The following LYRM4 variants were observed in gnomAD, a reference collection of about 807,000 sequenced individuals.
LYRM4 encodes the protein LYR motif-containing protein 4.
LYRM4 carries 9 observed loss-of-function variants against 11.7 expected under a neutral mutation model. That is an observed-to-expected ratio of 0.77 (90% CI 0.46 to 1.34). The LOEUF is 1.34. Among genes scored for constraint, LYRM4 ranks in the 40% most tolerant of loss-of-function variants. The pLI is 0.00. For missense variants in LYRM4, 133 were observed against 112.5 expected (o/e 1.18, Z -0.82); for synonymous variants, 42 against 40.4 (o/e 1.04, Z -0.15).
chr6:5,163,424 C>T (rs192918048), intron 2 of LYRM4, among the ~76,000 whole-genome samples: 4 of 151,970 alleles, frequency 2.6e-5, no homozygotes, highest in Admixed American at 6.6e-5. Context: ...TGCCTAGCCT[C>T]GCACCAACGC....
intron 2 of LYRM4, among the ~76,000 whole-genome samples, chr6:5,139,405 C>T (rs907608788): frequency 3.3e-5 from 5 of 152,324 alleles, no homozygotes; most frequent in African/African-American, 1.2e-4. Flanking sequence ...ACTGTATTTA[C>T]AAATACAAAC....
chr6:5,251,980 C>G (rs2773313), intron 1 of LYRM4, among the ~76,000 whole-genome samples: 43,361 of 151,848 alleles, frequency 0.29, 7,767 homozygotes, highest in African/African-American at 0.51. Context: ...TTCCTAAACA[C>G]GAATCATTAT....
At chr6:5,052,972 A>G in the LYRM4 span, among the ~76,000 whole-genome samples, 1 of 152,208 alleles carries the variant, frequency 6.6e-6, no homozygotes, top group South Asian at 2.1e-4. Context: ...ACTAGTGAAG[A>G]CCAGTTACTG....
At chr6:5,138,583 T>A (rs992337161) in intron 2 of LYRM4, 16 of 490,924 alleles carry the variant, frequency 3.3e-5, no homozygotes, top group African/African-American at 1.9e-4. Context: ...CTGTTTTTTT[T>A]ATGAATGATT....
At chr6:5,230,769 C>G (rs1763189470) in intron 1 of LYRM4, among the ~76,000 whole-genome samples, 1 of 152,078 alleles carries the variant, frequency 6.6e-6, no homozygotes, top group Non-Finnish European at 1.5e-5. Flanking sequence ...TCACTTTATC[C>G]TTTCCAACAG....
chr6:5,191,442 A>C (rs974208589), intron 2 of LYRM4, among the ~76,000 whole-genome samples: 1 of 152,150 alleles, frequency 6.6e-6, no homozygotes, highest in Non-Finnish European at 1.5e-5. Flanking sequence ...GAAGTATATG[A>C]CTCAAAGATA....
At chr6:5,248,835 G>T (rs1764309761) in intron 1 of LYRM4, among the ~76,000 whole-genome samples, 2 of 152,228 alleles carry the variant, frequency 1.3e-5, no homozygotes, top group South Asian at 4.1e-4. Context: ...CTTGGGCAAA[G>T]GTTATGTTTT....
At chr6:5,188,831 A>G (rs1286971448) in intron 2 of LYRM4, among the ~76,000 whole-genome samples, 1 of 152,146 alleles carries the variant, frequency 6.6e-6, no homozygotes, top group Non-Finnish European at 1.5e-5. Context: ...TGGCGCAATC[A>G]TGGCTCACTG....
intron 2 of LYRM4, among the ~76,000 whole-genome samples, chr6:5,169,349 T>C (rs1759282561): frequency 6.6e-6 from 1 of 152,142 alleles, no homozygotes; most frequent in Non-Finnish European, 1.5e-5. Context: ...AGGAAGGAAC[T>C]GGCACAAACA....
chr6:5,208,308 C>T (rs150750656), intron 2 of LYRM4, among the ~76,000 whole-genome samples: 128 of 152,364 alleles, frequency 8.4e-4, no homozygotes, highest in Admixed American at 1.8e-3. Context: ...GAGCTGAGAA[C>T]TTCCGCTTCT....
the LYRM4 span, among the ~76,000 whole-genome samples, chr6:5,082,655 G>T: frequency 6.6e-6 from 1 of 152,174 alleles, no homozygotes; most frequent in African/African-American, 2.4e-5. Context: ...CATTGTTTCT[G>T]TCCCCAGTAA....
At chr6:5,086,546 C>G in the LYRM4 span, 2 of 1,526,258 alleles carry the variant, frequency 1.3e-6, no homozygotes, top group Non-Finnish European at 1.8e-6. Context: ...TACGCGCGCC[C>G]TGCGGACGCG....
chr6:5,194,701 T>C (rs1760953484), intron 2 of LYRM4, among the ~76,000 whole-genome samples: 1 of 152,142 alleles, frequency 6.6e-6, no homozygotes, highest in Admixed American at 6.5e-5. Context: ...AATCAGAAAA[T>C]TAGGAAAATA....
chr6:5,233,048 C>T (rs1308887239), intron 1 of LYRM4, among the ~76,000 whole-genome samples: 2 of 152,214 alleles, frequency 1.3e-5, no homozygotes, highest in African/African-American at 4.8e-5. Context: ...GGCTCTCATC[C>T]ATGGATTAGC....
At chr6:5,060,504 A>ATT in the LYRM4 span, among the ~76,000 whole-genome samples, 1,425 of 144,282 alleles carry the variant, frequency 9.9e-3, 24 homozygotes, top group African/African-American at 0.035. Context: ...CGATTTTTGT[A>ATT]TTTTTTTTTT....
intron 1 of LYRM4, among the ~76,000 whole-genome samples, chr6:5,227,630 C>T (rs1762969619): frequency 6.6e-6 from 1 of 152,182 alleles, no homozygotes; most frequent in African/African-American, 2.4e-5. Context: ...AATCCCATTA[C>T]TGGGTATATA....
the LYRM4 span, chr6:5,085,720 C>T: frequency 1.7e-5 from 27 of 1,545,482 alleles, no homozygotes; most frequent in Non-Finnish European, 2.4e-5. Context: ...ATGCCGCCGC[C>T]GCTGCCGCGC....
At chr6:5,196,336 C>A (rs1761056806) in intron 2 of LYRM4, among the ~76,000 whole-genome samples, 1 of 152,208 alleles carries the variant, frequency 6.6e-6, no homozygotes, top group South Asian at 2.1e-4. Flanking sequence ...CCTGCTTTAA[C>A]AGATGATGGA....
At chr6:5,100,774 T>TTATTTCA, downstream of LYRM4, among the ~76,000 whole-genome samples, 1 of 152,238 alleles carries the variant, frequency 6.6e-6, no homozygotes, top group Non-Finnish European at 1.5e-5. Flanking sequence ...GGGGATGTGC[T>TTATTTCA]GTTGCCTCTT....
Sources: gnomAD v4.1 joint callset for allele counts (sites outside exome capture counted in the v4.1 genomes callset) on GRCh38, gnomAD v4.1.1 for gene constraint, MANE v1.5 for transcripts, NCBI Gene and HGNC (gene_info 2026-07-23, HGNC 2026-07-21) for gene names.